The following TSPYL2 variants were observed in gnomAD, a reference collection of about 807,000 sequenced individuals.
TSPYL2 encodes testis-specific Y-encoded-like protein 2.
In TSPYL2, 9 loss-of-function variants were observed where a neutral mutation model predicts 33.0. The observed-to-expected ratio is 0.27, with a 90% confidence interval of 0.16 to 0.48. The LOEUF is 0.48. Among genes scored for constraint, TSPYL2 ranks in the 20% least tolerant of loss-of-function variants. TSPYL2 has a pLI of 0.99. For missense variants in TSPYL2, 636 were observed against 586.2 expected (o/e 1.08, Z -0.88); for synonymous variants, 330 against 233.6 (o/e 1.41, Z -3.77).
In TSPYL2 at chrX:53,082,448, A is replaced by G; in HGVS notation, c.-51A>G. On this transcript the variant is annotated 5_prime_UTR_variant, in exon 1 of 7. Transcript: ENST00000375442. ...TGCGACTAGCGGCAGCGACGCGGCT[A>G]AAAGCGAAGGGGCGAGTGCGAGTCC... is the stretch of plus-strand genomic sequence containing the variant. The G allele has an allele frequency of 9.2e-7, 1 of 1,081,966 alleles. No individual in the cohort carries two copies. The highest frequency in any genetic ancestry group is 1.2e-6 in the Non-Finnish European group (1 of 830,241). 89.2% of individuals were successfully genotyped at this position (1,081,966 alleles called of 1,213,427 possible). A position where few individuals can be genotyped will look rare whatever the true frequency, so the allele number is the denominator to read the frequency against.
At chrX:53,086,611 G>A in intron 6 of TSPYL2, 1 of 356,951 alleles carries the variant, frequency 2.8e-6, no homozygotes, top group Non-Finnish European at 4.9e-6. Context: ...ACATCGAGGT[G>A]GGGGAGTGGC....
Position 53,087,812 on chromosome X carries a change from A to C in TSPYL2, c.1955A>C (p.Asn652Thr). 1 of 1,211,680 alleles carries C rather than the reference A, an allele frequency of 8.3e-7. No homozygotes were observed. The highest frequency in any genetic ancestry group is 1.1e-6 in the Non-Finnish European group (1 of 895,235). The change falls in exon 7 of 7, where the codon AAC (asparagine) becomes ACC (threonine). Residue 652 changes from asparagine to threonine, a missense_variant. By Grantham distance (65) the Asn-to-Thr change is moderately conservative (BLOSUM62 0). Transcript: ENST00000375442. ...QQDEDIYEEG[N>T]YEEEGSEDVW... ...GATGAGGACATCTATGAGGAAGGAA[A>C]CTATGAGGAGGAAGGAAGTGAAGAT... is the stretch of plus-strand genomic sequence containing the variant.
chrX:53,082,375 G>T lies in TSPYL2; in HGVS notation c.-124G>T. On this transcript the variant is annotated 5_prime_UTR_variant, in exon 1 of 7. Transcript: ENST00000375442. ...CTGTGGGAGGGAACGCCAGAGCGAG[G>T]TGGTGAGGAGAGCTGGTTGCGTGAG... 1 of 638,754 alleles carries T rather than the reference G, an allele frequency of 1.6e-6. No individual in the cohort carries two copies. Among genetic ancestry groups the T allele is most frequent in the Non-Finnish European group, 2.2e-6 (1 of 448,945 alleles). The allele number at this position is 638,754 out of a possible 1,213,427, so 52.6% of individuals were successfully genotyped here. A position where few individuals can be genotyped will look rare whatever the true frequency, so the allele number is the denominator to read the frequency against.
chrX:53,086,548 G>T, intron 6 of TSPYL2: 1 of 427,125 alleles, frequency 2.3e-6, no homozygotes, highest in Non-Finnish European at 4.1e-6. Flanking sequence ...AGCAGAAGAT[G>T]AAGAGTACAC....
At chrX:53,083,395 G>A in intron 1 of TSPYL2, 90 bp downstream of exon 1, 1 of 912,683 alleles carries the variant, frequency 1.1e-6, no homozygotes, top group Non-Finnish European at 1.6e-6. Flanking sequence ...AGCGGGTGGA[G>A]GAGAGCCAGA....
chrX:53,087,537 G>A (rs1246330022), intron 6 of TSPYL2: 3 of 399,307 alleles, frequency 7.5e-6, no homozygotes, highest in Non-Finnish European at 8.7e-6. Flanking sequence ...TATCAGTTTT[G>A]ACAGAGGCAG....
intron 5 of TSPYL2, 57 bp downstream of exon 5, chrX:53,085,378 G>A: frequency 3.0e-6 from 3 of 1,010,451 alleles, no homozygotes; most frequent in Non-Finnish European, 2.7e-6. Flanking sequence ...AAAGACTAGT[G>A]TAACACAGGA....
intron 6 of TSPYL2, 199 bp downstream of exon 6, chrX:53,086,509 G>C: frequency 2.2e-6 from 1 of 453,993 alleles, no homozygotes; most frequent in Non-Finnish European, 3.9e-6. Context: ...AATCATTTTA[G>C]TTCTAGGTGA....
rs1029870800 is a variant in TSPYL2 at position 53,088,064 on chromosome X, G to C, written c.*125G>C. 1.6e-6 allele frequency: 1 copy of C among 606,090 alleles called. No individual in the cohort carries two copies. Among genetic ancestry groups the C allele is most frequent in the Non-Finnish European group, 2.6e-6 (1 of 391,082 alleles). 49.9% of individuals were successfully genotyped at this position (606,090 alleles called of 1,213,427 possible). Reference sequence around the variant, plus strand: ...TGGGGGGTGACCGACTTCGTACACGGGTTTAAAGTTTATTTTTATGGTTTA... The same window carrying C: ...TGGGGGGTGACCGACTTCGTACACGCGTTTAAAGTTTATTTTTATGGTTTA... On this transcript the variant is annotated 3_prime_UTR_variant, in exon 7 of 7. Transcript: ENST00000375442.
intron 6 of TSPYL2, chrX:53,086,752 AC>A (rs1932772225): frequency 8.2e-6 from 1 of 121,683 alleles, no homozygotes; most frequent in African/African-American, 4.3e-5. Flanking sequence ...AGCCAGTTCT[AC>A]CTCAAGAATC....
intron 1 of TSPYL2, 60 bp downstream of exon 1, chrX:53,083,365 GGGAGGGACAGAAAAGGTAAAGCGGGTGGA>G: frequency 1.0e-5 from 11 of 1,071,927 alleles, no homozygotes; most frequent in South Asian, 9.7e-5. Flanking sequence ...GGGAAGGTGG[GGGAGGGACAGAAAAGGTAAAGCGGGTGGA>G]GGAGAGCCAG....
In TSPYL2 at chrX:53,087,917, G is replaced by A. The variant is rs200976056; in HGVS notation, c.2060G>A (p.Gly687Glu). The change falls in exon 7 of 7, where the codon GGG (glycine) becomes GAG (glutamate). Residue 687 changes from glycine to glutamate, a missense_variant. Gly to Glu is a moderately conservative substitution (Grantham distance 98). Coordinates refer to ENST00000375442, the MANE Select transcript of TSPYL2 (RefSeq NM_022117.4). ...LQVPNGWANP[G>E]KRGKTG ...GTCCCAAACGGTTGGGCCAATCCGG[G>A]GAAGAGGGGGAAAACCGGATAAGGG... 210 of 1,210,139 alleles carry A rather than the reference G, an allele frequency of 1.7e-4. No individual in the cohort carries two copies. In the Middle Eastern group the frequency reaches 3.4e-3, roughly 20 times the overall value.
In TSPYL2 at chrX:53,083,390, G is replaced by C. The variant is rs182651767; in HGVS notation, c.807+85G>C. ...GGGAGGGACAGAAAAGGTAAAGCGG[G>C]TGGAGGAGAGCCAGAGGTGGGCATG... On this transcript the variant is annotated intron_variant, in intron 1 of 6. Transcript: ENST00000375442. 2.0e-4 allele frequency: 188 copies of C among 925,608 alleles called. No individual in the cohort carries two copies. The African/African-American group carries it at 3.4e-3, about 17-fold the overall frequency. The allele number at this position is 925,608 out of a possible 1,213,427, so 76.3% of individuals were successfully genotyped here. A position where few individuals can be genotyped will look rare whatever the true frequency, so the allele number is the denominator to read the frequency against.
rs1403641723 is a variant in TSPYL2 at position 53,085,611 on chromosome X, A to T, written c.1239-20A>T. The T allele has an allele frequency of 8.3e-7, 1 of 1,207,054 alleles. No homozygotes were observed. Among genetic ancestry groups the T allele is most frequent in the Non-Finnish European group, 1.1e-6 (1 of 892,692 alleles). On this transcript the variant is annotated intron_variant, in intron 5 of 6. Transcript: ENST00000375442. ...ACCACCTCCCACCAACCCTATACTC[A>T]GCCACAGCCTTCCTTACAGTAAAAC...
Position 53,086,286 on chromosome X carries a change from G to A in TSPYL2, c.1894G>A (p.Val632Met), listed in dbSNP as rs147753284. ...DVIEIISDES[V>M]EEEGIEEGIQ... The stretch of plus-strand genomic sequence containing the variant: ...GATAGAGATCATCTCAGACGAATCA[G>A]TGGAAGAAGAGGGCATTGAGGAAGG... The change falls in exon 6 of 7, where the codon GTG becomes ATG. Residue 632 changes from valine (V) to methionine (M), a missense_variant. Physicochemically the swap from Val to Met is conservative, Grantham distance 21. This residue lies in a region of TSPYL2 where 401 missense variants were observed against 363.0 expected (regional missense o/e 1.10). Transcript: ENST00000375442. The A allele has an allele frequency of 3.5e-4, 428 of 1,208,370 alleles. No homozygotes were observed. Among genetic ancestry groups the A allele is most frequent in the Non-Finnish European group, 4.3e-4 (387 of 894,666 alleles).
Position 53,082,489 on chromosome X carries a change from C to A in TSPYL2, c.-10C>A. ...GTGCGAGTCCCCTGAGCTGTACGAA[C>A]GCGGTCGCCATGGACCGCCCAGATG... On this transcript the variant is annotated 5_prime_UTR_variant, in exon 1 of 7. Transcript: ENST00000375442. The A allele has an allele frequency of 8.7e-7, 1 of 1,151,003 alleles. No individual in the cohort carries two copies. The highest frequency in any genetic ancestry group is 1.8e-5 in the African/African-American group (1 of 55,455). The allele number at this position is 1,151,003 out of a possible 1,213,427, so 94.9% of individuals were successfully genotyped here.
chrX:53,083,353 A>G, intron 1 of TSPYL2, 48 bp downstream of exon 1: 1 of 827,474 alleles, frequency 1.2e-6, no homozygotes, highest in Non-Finnish European at 1.7e-6. Context: ...GTGACAGGAA[A>G]GGGGAAGGTG....
Position 53,082,685 on chromosome X carries a change from G to C in TSPYL2, c.187G>C (p.Gly63Arg), listed in dbSNP as rs1569227244. ...GGCACAGGTGCTGGCCGATATGAGG[G>C]GGGTGGGACTGGGCCCCGCGCTGCC... is the stretch of plus-strand genomic sequence containing the variant. ...EAAQVLADMRGVGLGPALPPP... is the reference protein window; with the variant it reads ...EAAQVLADMRRVGLGPALPPP... The change falls in exon 1 of 7, where the codon GGG becomes CGG. Residue 63 changes from glycine (G) to arginine (R), a missense_variant. Coordinates refer to ENST00000375442, the MANE Select transcript of TSPYL2 (RefSeq NM_022117.4). The C allele has an allele frequency of 2.6e-6, 3 of 1,146,390 alleles. No individual in the cohort carries two copies. The highest frequency in any genetic ancestry group is 3.5e-6 in the Non-Finnish European group (3 of 866,841). 94.5% of individuals were successfully genotyped at this position (1,146,390 alleles called of 1,213,427 possible).
Position 53,087,793 on chromosome X carries a change from G to A in TSPYL2, c.1936G>A (p.Asp646Asn), listed in dbSNP as rs782342167. 8.3e-7 allele frequency: 1 copy of A among 1,210,209 alleles called. No homozygotes were observed. Among genetic ancestry groups the A allele is most frequent in the Non-Finnish European group, 1.1e-6 (1 of 894,502 alleles). Residue 646 changes from aspartate (D) to asparagine (N), a missense_variant, in exon 7 of 7, where the codon GAC becomes AAC. Coordinates refer to ENST00000375442, the MANE Select transcript of TSPYL2 (RefSeq NM_022117.4). ...GIEEGIQQDE[D>N]IYEEGNYEEE... ...CTATGCAGGCATCCAGCAAGATGAG[G>A]ACATCTATGAGGAAGGAAACTATGA...
Sources: gnomAD v4.1 joint callset for allele counts on GRCh38, gnomAD v4.1.1 for gene constraint, gnomAD v4.1.1 regional missense constraint, MANE v1.5 for transcripts, NCBI Gene and HGNC (gene_info 2026-07-23, HGNC 2026-07-21) for gene names.